ESR1: variants seen among roughly 807,000 people sequenced by gnomAD.
The protein encoded by ESR1 is estrogen receptor 1, also known as estrogen receptor.
ESR1 carries 12 observed loss-of-function variants against 52.7 expected under a neutral mutation model. The ratio of observed to expected loss-of-function variants is 0.23; its 90% CI spans 0.15 to 0.37. ESR1 has a LOEUF of 0.37. Ranked by LOEUF, ESR1 falls within the 10% of genes least tolerant of loss-of-function variation. The pLI is 1.00. For synonymous variants in ESR1, 305 were observed against 316.8 expected, an observed-to-expected ratio of 0.96 and a Z score of 0.39; for missense variants, 584 against 779.7, an observed-to-expected ratio of 0.75 and a Z score of 2.99.
chr6:151,790,802 G>C (rs1190254988), intron 2 of ESR1, among the ~76,000 whole-genome samples: 1 of 151,972 alleles, frequency 6.6e-6, no homozygotes, highest in Non-Finnish European at 1.5e-5. Flanking sequence ...AAAATAATGA[G>C]GCCAACCTTA....
intron 4 of ESR1, among the ~76,000 whole-genome samples, chr6:151,988,966 G>A (rs2040769082): frequency 6.6e-6 from 1 of 151,984 alleles, no homozygotes; most frequent in Admixed American, 6.6e-5. Context: ...ACTGGCATGG[G>A]GAATAATACC....
intron 4 of ESR1, among the ~76,000 whole-genome samples, chr6:151,962,869 C>T (rs1441987765): frequency 6.6e-6 from 1 of 151,972 alleles, no homozygotes; most frequent in Non-Finnish European, 1.5e-5. Context: ...TTGTGCCTGT[C>T]CTGTTTTTAA....
At chr6:151,967,219 A>G (rs2128620458) in intron 4 of ESR1, among the ~76,000 whole-genome samples, 1 of 152,272 alleles carries the variant, frequency 6.6e-6, no homozygotes, top group African/African-American at 2.4e-5. Context: ...GTTCTGGGAT[A>G]CATGTGCAGA....
intron 5 of ESR1, among the ~76,000 whole-genome samples, chr6:152,013,067 A>C (rs1476670253): frequency 6.6e-6 from 1 of 152,236 alleles, no homozygotes. Context: ...TTGATATCAC[A>C]GTTTCACAAA....
intron 2 of ESR1, among the ~76,000 whole-genome samples, chr6:151,753,979 T>C (rs554010535): frequency 1.1e-4 from 16 of 152,104 alleles, no homozygotes; most frequent in Non-Finnish European, 1.8e-4. Context: ...TCGACTATGA[T>C]GATGCAGAAT....
intron 2 of ESR1, among the ~76,000 whole-genome samples, chr6:151,843,863 T>C (rs918857770): frequency 7.6e-4 from 116 of 151,634 alleles, no homozygotes; most frequent in African/African-American, 2.8e-3. Context: ...AGATGAAAGC[T>C]GGGGGATGGT....
At chr6:151,908,162 G>A (rs184602958) in intron 3 of ESR1, among the ~76,000 whole-genome samples, 2 of 152,038 alleles carry the variant, frequency 1.3e-5, no homozygotes, top group Admixed American at 6.5e-5. Flanking sequence ...AAAAAACTTT[G>A]ATATTCTTAT....
chr6:151,812,760 A>T (rs1484353292), intron 1 of ESR1, among the ~76,000 whole-genome samples: 1 of 152,130 alleles, frequency 6.6e-6, no homozygotes, highest in African/African-American at 2.4e-5. Context: ...TTGCTTATCT[A>T]AAGAAAGGAA....
intron 6 of ESR1, among the ~76,000 whole-genome samples, chr6:152,109,846 G>C (rs1397826396): frequency 6.6e-6 from 1 of 152,144 alleles, no homozygotes. Flanking sequence ...GGAAGGGTGG[G>C]GAGAATTTCC....
chr6:151,842,850 C>A (rs9340804), intron 2 of ESR1, 63 bp downstream of exon 2: 1 of 1,425,782 alleles, frequency 7.0e-7, no homozygotes, highest in Non-Finnish European at 9.9e-7. Flanking sequence ...AGAGCCAAAG[C>A]GACTGAGGAA....
At chr6:151,861,122 G>A (rs886382675) in intron 2 of ESR1, among the ~76,000 whole-genome samples, 1 of 152,086 alleles carries the variant, frequency 6.6e-6, no homozygotes, top group Non-Finnish European at 1.5e-5. Context: ...AATTAAATTT[G>A]GTTGGATGTA....
At chr6:151,808,488 G>A (rs890952831) in intron 1 of ESR1, 124 bp downstream of exon 1, 3 of 837,090 alleles carry the variant, frequency 3.6e-6, no homozygotes, top group Non-Finnish European at 5.0e-6. Context: ...CCGAGGGTGC[G>A]CGCAGGGAGC....
At chr6:151,891,722 A>C (rs1056967508) in intron 3 of ESR1, among the ~76,000 whole-genome samples, 3 of 152,110 alleles carry the variant, frequency 2.0e-5, no homozygotes, top group Non-Finnish European at 4.4e-5. Flanking sequence ...GTGTCATGAG[A>C]GATAGACATA....
At chr6:151,686,084 T>A (rs1009099001), upstream of ESR1, among the ~76,000 whole-genome samples, 2 of 148,712 alleles carry the variant, frequency 1.3e-5, no homozygotes, top group Non-Finnish European at 3.0e-5. Context: ...TTTTTTTTTT[T>A]TTTTATTTAG....
rs895666159 is a variant in ESR1 at position 152,101,379 on chromosome 6, C to CA, written c.*2422dup. 1.1e-4 allele frequency: 26 copies of CA among 230,372 alleles called. No homozygotes were observed. Among genetic ancestry groups the CA allele is most frequent in the East Asian group, 3.1e-4 (5 of 16,246 alleles). The allele number at this position is 230,372 out of a possible 1,614,324, so 14.3% of individuals were successfully genotyped here. On this transcript the variant is annotated 3_prime_UTR_variant, in exon 8 of 8. Transcript: ENST00000206249. The stretch of plus-strand genomic sequence containing the variant: ...TTCTTTTAAAAAAATTAAAATAAAA[C>CA]AAAAAAAAATTTCTAGGACTAGACG...
chr6:151,656,674 T>A (rs1346864401), upstream of ESR1: 2 of 152,202 alleles, frequency 1.3e-5, no homozygotes, highest in African/African-American at 4.8e-5. Context: ...TTCCAAGCAG[T>A]CAGAGAAATA....
At chr6:151,994,109 T>C (rs1320519961) in intron 4 of ESR1, among the ~76,000 whole-genome samples, 1 of 152,184 alleles carries the variant, frequency 6.6e-6, no homozygotes, top group East Asian at 1.9e-4. Context: ...ACAGAGATGG[T>C]AAATAAGTTG....
downstream of ESR1, among the ~76,000 whole-genome samples, chr6:152,104,169 C>T (rs1224694684): frequency 1.3e-5 from 2 of 151,920 alleles, no homozygotes; most frequent in Admixed American, 1.3e-4. Context: ...CAGAGTCTTC[C>T]GAAACTGCAC....
chr6:151,840,727 C>A (rs1341323063), intron 1 of ESR1, among the ~76,000 whole-genome samples: 3 of 152,162 alleles, frequency 2.0e-5, no homozygotes, highest in African/African-American at 7.2e-5. Context: ...AGAGACCCTG[C>A]TGGAAGGGCT....
Sources: allele counts gnomAD v4.1 joint callset (sites outside exome capture counted in the v4.1 genomes callset), GRCh38; gene constraint gnomAD v4.1.1; transcripts MANE v1.5; gene names NCBI Gene and HGNC (gene_info 2026-07-23, HGNC 2026-07-21).